Variants in PKIG observed in about 807,000 individuals in gnomAD.
PKIG encodes protein kinase (cAMP-dependent, catalytic) inhibitor gamma.
PKIG carries 1 observed loss-of-function variant against 6.8 expected under a neutral mutation model. That is an observed-to-expected ratio of 0.15 (90% confidence interval 0.05 to 0.69). The LOEUF (loss-of-function observed/expected upper bound fraction) is 0.69, where lower values mean the gene tolerates loss of function less well. PKIG is among the 30% of genes least tolerant of loss of function. PKIG has a pLI of 0.82. For missense variants in PKIG, 77 were observed against 104.0 expected, an observed-to-expected ratio of 0.74 and a Z score of 1.13; for synonymous variants, 39 against 43.0, an observed-to-expected ratio of 0.91 and a Z score of 0.36.
At chr20:44,545,300 C>T (rs2064603186) in intron 1 of PKIG, among the ~76,000 whole-genome samples, 1 of 152,010 alleles carries the variant, frequency 6.6e-6, no homozygotes, top group African/African-American at 2.4e-5. Flanking sequence ...CAATAAGAAT[C>T]AACTGGGTTT....
intron 1 of PKIG, among the ~76,000 whole-genome samples, chr20:44,555,967 AGTAGCTG>A: frequency 1.3e-5 from 2 of 152,232 alleles, no homozygotes; most frequent in South Asian, 4.2e-4. Flanking sequence ...CAGCCTCCCA[AGTAGCTG>A]GGACTACAGG....
chr20:44,614,758 G>A lies in PKIG; in HGVS notation c.151+51G>A, dbSNP rs368262644. ...TACTGCATGCCAGAGGCCCTCTGCC[G>A]GGCCCCGGGCTAGCCTCCAAGTCCT... On this transcript the variant is annotated intron_variant, in intron 3 of 3. Transcript: ENST00000372886. The surrounding 1 kb of genome is among the most constrained non-coding windows in gnomAD (Gnocchi z 4.6). The A allele has an allele frequency of 1.4e-5, 23 of 1,597,428 alleles. No homozygotes were observed. Among genetic ancestry groups the A allele is most frequent in the East Asian group, 6.7e-5 (3 of 44,776 alleles).
At chr20:44,542,972 A>G (rs1282183847) in intron 1 of PKIG, among the ~76,000 whole-genome samples, 1 of 152,190 alleles carries the variant, frequency 6.6e-6, no homozygotes, top group Non-Finnish European at 1.5e-5. Flanking sequence ...AGAACAGAAT[A>G]TTTTGAAGAA....
intron 2 of PKIG, among the ~76,000 whole-genome samples, chr20:44,609,990 C>T (rs1165008175): frequency 2.0e-5 from 3 of 152,160 alleles, no homozygotes; most frequent in African/African-American, 7.2e-5. Flanking sequence ...TATCATAAGC[C>T]ATTTTCCTGT....
chr20:44,586,447 G>T (rs1221339025), intron 1 of PKIG, among the ~76,000 whole-genome samples: 1 of 152,178 alleles, frequency 6.6e-6, no homozygotes, highest in East Asian at 1.9e-4. Flanking sequence ...CCAAGCCTCA[G>T]CATTATTTCC....
chr20:44,575,263 C>T (rs1358845757), intron 1 of PKIG, among the ~76,000 whole-genome samples: 1 of 152,066 alleles, frequency 6.6e-6, no homozygotes, highest in African/African-American at 2.4e-5. Flanking sequence ...CCGTCACCCA[C>T]GCTGGAGTGC....
intron 1 of PKIG, among the ~76,000 whole-genome samples, chr20:44,534,102 T>G (rs967408869): frequency 6.6e-6 from 1 of 152,070 alleles, no homozygotes; most frequent in African/African-American, 2.4e-5. Flanking sequence ...GAGAGAAGGC[T>G]GAGGAGCGAT....
intron 2 of PKIG, among the ~76,000 whole-genome samples, chr20:44,599,831 T>C (rs2065105840): frequency 6.6e-6 from 1 of 152,162 alleles, no homozygotes; most frequent in Non-Finnish European, 1.5e-5. Flanking sequence ...AGAAGGGGTG[T>C]CTGCAGTTAG....
rs2065248289 is a variant in PKIG at position 44,614,687 on chromosome 20, A to C, written c.131A>C (p.Glu44Ala). Reference sequence around the variant, plus strand: ...AGGAAGCTGGCTGGAGACATGGGCGAGCTGGCACTCGAGGGGGCAGGTTAG... The same window carrying C: ...AGGAAGCTGGCTGGAGACATGGGCGCGCTGGCACTCGAGGGGGCAGGTTAG... ...SVRKLAGDMG[E>A]LALEGAEGQV... The change falls in exon 3 of 4, where the codon GAG becomes GCG. Residue 44 changes from glutamate to alanine, a missense_variant. Physicochemically the swap from Glu to Ala is moderately radical, Grantham distance 107. Coordinates refer to ENST00000372886, the MANE Select transcript of PKIG (RefSeq NM_001281445.2). The surrounding 1 kb of genome is among the most constrained non-coding windows in gnomAD (Gnocchi z 4.6). 1 of 1,613,852 alleles carries C rather than the reference A, an allele frequency of 6.2e-7. No homozygotes were observed. The highest frequency in any genetic ancestry group is 1.1e-5 in the South Asian group (1 of 91,074).
intron 1 of PKIG, among the ~76,000 whole-genome samples, chr20:44,541,162 T>G (rs780514925): frequency 1.1e-4 from 17 of 152,316 alleles, no homozygotes; most frequent in Non-Finnish European, 2.2e-4. Flanking sequence ...CAGGATAGGC[T>G]TAGGACATGA....
In PKIG at chr20:44,532,226, TA is replaced by T. The variant is rs547435702; in HGVS notation, c.-241+258del. Among the ~76,000 whole-genome samples the T allele has an allele frequency of 1.9e-4, 29 of 150,336 alleles. No individual in the cohort carries two copies. The South Asian group carries it at 2.1e-3, about 11-fold the overall frequency. On this transcript the variant is annotated intron_variant, in intron 1 of 4. Coordinates refer to the PKIG transcript ENST00000372887. ...TGGTCGACCTCATTCGAAAGTTTCT[TA>T]AAAAAAAAATCCCTTCTTGTTTGGG...
chr20:44,611,827 ATTTTT>A (rs950798756), intron 2 of PKIG, among the ~76,000 whole-genome samples: 1 of 146,784 alleles, frequency 6.8e-6, no homozygotes, highest in Non-Finnish European at 1.5e-5. Context: ...CCGATAACAA[ATTTTT>A]TTTTTTTTAA....
chr20:44,595,899 A>G (rs1016890828), intron 2 of PKIG, among the ~76,000 whole-genome samples: 5 of 152,148 alleles, frequency 3.3e-5, no homozygotes, highest in African/African-American at 1.2e-4. Context: ...ACATGTCAAC[A>G]TGTTTGAACA....
chr20:44,589,600 T>TG (rs1345953549), intron 1 of PKIG, among the ~76,000 whole-genome samples, 197 bp from the exon 2 acceptor site: 3 of 152,204 alleles, frequency 2.0e-5, no homozygotes, highest in African/African-American at 7.2e-5. Context: ...ATCTTTTTAC[T>TG]TAGGTAAATA....
chr20:44,614,844 G>T lies in PKIG; in HGVS notation c.151+137G>T. 1.2e-6 allele frequency: 1 copy of T among 836,246 alleles called. No individual in the cohort carries two copies. The allele number at this position is 836,246 out of a possible 1,614,324, so 51.8% of individuals were successfully genotyped here. A position where few individuals can be genotyped will look rare whatever the true frequency, so the allele number is the denominator to read the frequency against. On this transcript the variant is annotated intron_variant, in intron 3 of 3. Coordinates refer to ENST00000372886, the MANE Select transcript of PKIG (RefSeq NM_001281445.2). The surrounding 1 kb of genome is among the most constrained non-coding windows in gnomAD (Gnocchi z 4.6). ...TTAAGTCAGGCCTGCCCCATGGTCA[G>T]TGGCAGAGTCCAGCAATCTCTAGGT... is the stretch of plus-strand genomic sequence containing the variant.
intron 1 of PKIG, among the ~76,000 whole-genome samples, chr20:44,586,645 T>C (rs1447596087): frequency 2.0e-5 from 3 of 152,318 alleles, no homozygotes; most frequent in Admixed American, 2.0e-4. Context: ...CCAAATGCTT[T>C]CACGAGGGGC....
At chr20:44,599,345 G>A (rs1600888721) in intron 2 of PKIG, among the ~76,000 whole-genome samples, 1 of 152,248 alleles carries the variant, frequency 6.6e-6, no homozygotes, top group South Asian at 2.1e-4. Flanking sequence ...TTGTACTATG[G>A]GATAATGATA....
rs1288983034 is a variant in PKIG, at chr20:44,609,535, CT to C, written c.-23-4998del. Among the ~76,000 whole-genome samples the C allele has an allele frequency of 2.0e-5, 3 of 152,206 alleles. No homozygotes were observed. In the East Asian group the frequency reaches 5.8e-4, roughly 29 times the overall value. Reference sequence around the variant, plus strand: ...GAAGAGGGATAGACACAAACTCCCTCTCCTTCAGAGGCCCGAGAGTGAAATC... The same window carrying C: ...GAAGAGGGATAGACACAAACTCCCTCCCTTCAGAGGCCCGAGAGTGAAATC... On this transcript the variant is annotated intron_variant, in intron 2 of 3. Transcript: ENST00000372886.
At chr20:44,616,814 G>A (rs1343048215) in intron 3 of PKIG, among the ~76,000 whole-genome samples, 1 of 152,206 alleles carries the variant, frequency 6.6e-6, no homozygotes, top group East Asian at 1.9e-4. Context: ...AAGGCAGGGG[G>A]AGTACAGAGT....
Sources: gnomAD v4.1 joint callset for allele counts (sites outside exome capture counted in the v4.1 genomes callset) on GRCh38, gnomAD v4.1.1 for gene constraint, Gnocchi (gnomAD v3.1) non-coding constraint, MANE v1.5 for transcripts, NCBI Gene and HGNC (gene_info 2026-07-23, HGNC 2026-07-21) for gene names.